Variants in WDR62 observed in about 807,000 individuals in gnomAD.
WDR62 encodes WD repeat-containing protein 62.
A neutral mutation model predicts 160.6 loss-of-function variants in WDR62; 112 were observed. That is an observed-to-expected ratio of 0.70 (90% CI 0.60 to 0.82). WDR62 has a LOEUF of 0.82. WDR62 is among the 40% of genes least tolerant of loss of function. WDR62 has a pLI of 0.00. For synonymous variants in WDR62, 792 were observed against 815.1 expected (o/e 0.97, Z 0.48); for missense variants, 1,819 against 1,983.8 (o/e 0.92, Z 1.58).
At chr19:36,061,556 G>C (rs1042172459) in intron 3 of WDR62, 2 of 152,240 alleles carry the variant, frequency 1.3e-5, no homozygotes, top group Admixed American at 6.5e-5. Flanking sequence ...GAGGGGCTGA[G>C]CTTAGTGAAA....
chr19:36,093,938 T>C, intron 19 of WDR62, 93 bp from the exon 20 acceptor site: 1 of 1,508,600 alleles, frequency 6.6e-7, no homozygotes, highest in Non-Finnish European at 9.2e-7. Context: ...TATGTTCACA[T>C]GGAGCTTAGC....
rs1315079006 is a variant in WDR62 at position 36,104,020 on chromosome 19, C to T, written c.4153+39C>T. 2.5e-6 allele frequency: 4 copies of T among 1,596,312 alleles called. No individual in the cohort carries two copies. The African/African-American group carries it at 4.0e-5, about 16-fold the overall frequency. On this transcript the variant is annotated intron_variant, in intron 30 of 31. Coordinates refer to ENST00000401500, the MANE Select transcript of WDR62 (RefSeq NM_001083961.2). ...TGGAGCAAGGACTGTCCCCTAAGCT[C>T]ATCCTGTGTGCTAGTTGGCTCAGCT... is the stretch of plus-strand genomic sequence containing the variant.
In WDR62 at chr19:36,058,845, C is replaced by T; in HGVS notation, c.243C>T (p.Gly81=). 1 of 1,614,220 alleles carries T rather than the reference C, an allele frequency of 6.2e-7. No individual in the cohort carries two copies. Among genetic ancestry groups the T allele is most frequent in the Non-Finnish European group, 8.5e-7 (1 of 1,180,010 alleles). The part of the protein sequence containing the change: ...QNSSGLTCDP[G]TGHVAYLAGC... ...GCAGTGGCCTAACCTGTGACCCCGGCACAGGCCATGTGGCCTACCTGGCAG... is the reference window on the plus strand; with the variant it reads ...GCAGTGGCCTAACCTGTGACCCCGGTACAGGCCATGTGGCCTACCTGGCAG... The change falls in exon 2 of 32, where the codon GGC becomes GGT. Residue 81 remains glycine (G), a synonymous_variant. Transcript: ENST00000401500.
At chr19:36,074,709 G>T (rs751612017) in intron 9 of WDR62, among the ~76,000 whole-genome samples, 1 of 152,054 alleles carries the variant, frequency 6.6e-6, no homozygotes, top group East Asian at 1.9e-4. Flanking sequence ...GCCTTCATGG[G>T]GCTGACGTTT....
rs750336824 is a variant in WDR62 at position 36,086,860 on chromosome 19, A to G, written c.1768+48A>G. The G allele has an allele frequency of 8.8e-6, 14 of 1,590,522 alleles. No homozygotes were observed. In the South Asian group the frequency reaches 1.5e-4, roughly 17 times the overall value. ...CCTGCGCCTTGCTAGCTACCCTGCT[A>G]AAAAAGGATTCATTCTTTCAACTCT... On this transcript the variant is annotated intron_variant, in intron 13 of 31. Coordinates refer to ENST00000401500, the MANE Select transcript of WDR62 (RefSeq NM_001083961.2).
intron 10 of WDR62, 145 bp downstream of exon 10, chr19:36,081,715 T>C: frequency 3.1e-6 from 3 of 960,568 alleles, no homozygotes; most frequent in Non-Finnish European, 4.9e-6. Flanking sequence ...GGTCCCTCTC[T>C]GCATCACTGC....
rs2145729470 is a variant in WDR62, at chr19:36,084,651, A to G, written c.1551-2A>G. 6.2e-7 allele frequency: 1 copy of G among 1,613,784 alleles called. No individual in the cohort carries two copies. The highest frequency in any genetic ancestry group is 8.5e-7 in the Non-Finnish European group (1 of 1,180,000). On this transcript the variant is annotated splice_acceptor_variant, in intron 11 of 31. Coordinates refer to ENST00000401500, the MANE Select transcript of WDR62 (RefSeq NM_001083961.2). LOFTEE classifies it high-confidence loss of function. ...CTTCAGCGGGCGGTGTGTGTCTCCCAGGATCCACGAGCTGCACTTCATGGA... is the reference window on the plus strand; with the variant it reads ...CTTCAGCGGGCGGTGTGTGTCTCCCGGGATCCACGAGCTGCACTTCATGGA...
intron 1 of WDR62, among the ~76,000 whole-genome samples, chr19:36,056,694 T>TA (rs1441087843): frequency 6.6e-6 from 1 of 152,228 alleles, no homozygotes; most frequent in East Asian, 1.9e-4. Flanking sequence ...AGAGAGGCGT[T>TA]ATAGCAAAGT....
intron 9 of WDR62, among the ~76,000 whole-genome samples, chr19:36,077,275 CCTTTT>C (rs1371524195): frequency 9.5e-6 from 1 of 105,770 alleles, no homozygotes; most frequent in African/African-American, 3.5e-5. Context: ...TTCCTTCCTT[CCTTTT>C]TTTTTTTTTT....
Position 36,094,509 on chromosome 19 carries a change from G to A in WDR62, c.2467+345G>A, listed in dbSNP as rs189198703. Among the ~76,000 whole-genome samples, 168 of 151,914 alleles carry A rather than the reference G, an allele frequency of 1.1e-3. 3 individuals carry two copies. The East Asian group carries it at 0.027, about 24-fold the overall frequency. On this transcript the variant is annotated intron_variant, in intron 20 of 31. Coordinates refer to ENST00000401500, the MANE Select transcript of WDR62 (RefSeq NM_001083961.2). Reference sequence around the variant, plus strand: ...GCAGAGGTTGCAGTGAGCTGAGATCGCGCCACTGCACTCCAGCCTGGGCAA... The same window carrying A: ...GCAGAGGTTGCAGTGAGCTGAGATCACGCCACTGCACTCCAGCCTGGGCAA...
In WDR62 at chr19:36,066,029, G is replaced by C; in HGVS notation, c.390+14G>C. 1 of 1,613,828 alleles carries C rather than the reference G, an allele frequency of 6.2e-7. No homozygotes were observed. Among genetic ancestry groups the C allele is most frequent in the South Asian group, 1.1e-5 (1 of 91,082 alleles). On this transcript the variant is annotated intron_variant, in intron 4 of 31. Transcript: ENST00000401500. The stretch of plus-strand genomic sequence containing the variant: ...GTGACAGGGGAGGTGAGTCGTGATC[G>C]TGACTGAGTGGGAGTCGGGGGCTGG...
intron 10 of WDR62, among the ~76,000 whole-genome samples, chr19:36,082,618 A>G (rs988205674): frequency 6.6e-6 from 1 of 152,218 alleles, no homozygotes; most frequent in Non-Finnish European, 1.5e-5. Context: ...CACACAATAG[A>G]AAAACTCAAA....
chr19:36,057,206 A>G (rs147249880), intron 1 of WDR62, among the ~76,000 whole-genome samples: 2 of 152,320 alleles, frequency 1.3e-5, no homozygotes, highest in East Asian at 1.9e-4. Flanking sequence ...TGAGGATTCA[A>G]TGAGGTTACA....
At chr19:36,072,382 G>T (rs1158921373) in intron 8 of WDR62, among the ~76,000 whole-genome samples, 2 of 152,198 alleles carry the variant, frequency 1.3e-5, no homozygotes, top group Non-Finnish European at 2.9e-5. Context: ...AGGATGGTGG[G>T]AGATGAGGCC....
At chr19:36,068,502 C>CG (rs1971067425) in intron 7 of WDR62, among the ~76,000 whole-genome samples, 1 of 152,168 alleles carries the variant, frequency 6.6e-6, no homozygotes, top group African/African-American at 2.4e-5. Context: ...GAGGACCCTG[C>CG]GGGCTTCCGC....
Position 36,083,226 on chromosome 19 carries a change from G to T in WDR62, c.1535G>T (p.Arg512Leu), listed in dbSNP as rs375417358. 1.8e-5 allele frequency: 29 copies of T among 1,601,510 alleles called. No homozygotes were observed. Among genetic ancestry groups the T allele is most frequent in the Non-Finnish European group, 2.3e-5 (27 of 1,173,580 alleles). The change falls in exon 11 of 32, where the codon CGA becomes CTA. Residue 512 changes from arginine (R) to leucine (L), a missense_variant. This residue lies in a region of WDR62 where 934 missense variants were observed against 1,157.2 expected (regional missense o/e 0.81). Coordinates refer to ENST00000401500, the MANE Select transcript of WDR62 (RefSeq NM_001083961.2). Reference protein sequence around the residue: ...PDGQHLASGDRSGNLRIHELH... With the variant: ...PDGQHLASGDLSGNLRIHELH... ...GGCCAGCATTTGGCTTCAGGCGACC[G>T]AAGTGGAAATCTGAGGCAAGTGGGC...
chr19:36,084,148 G>T (rs1433290081), intron 11 of WDR62, among the ~76,000 whole-genome samples: 1 of 152,146 alleles, frequency 6.6e-6, no homozygotes, highest in African/African-American at 2.4e-5. Context: ...TTGGCACAAG[G>T]TGTCTGGAGT....
chr19:36,073,788 G>A (rs368525388), intron 9 of WDR62: 41 of 523,298 alleles, frequency 7.8e-5, no homozygotes, highest in African/African-American at 5.7e-4. Context: ...AAAATGAGGC[G>A]GGGAAGGGGA....
At position 36,099,390 on chromosome 19, in the gene WDR62, T is replaced by C. The variant is rs1973182089; in HGVS notation, c.2521-9T>C. The stretch of plus-strand genomic sequence containing the variant: ...CAGCCAGTTGCCTGACTGTCCGATA[T>C]CCTTCAAGCTAGGGGACGATGATGT... On this transcript the variant is annotated splice_polypyrimidine_tract_variant and intron_variant, in intron 21 of 31. Transcript: ENST00000401500. The C allele has an allele frequency of 6.2e-7, 1 of 1,612,460 alleles. No individual in the cohort carries two copies. Among genetic ancestry groups the C allele is most frequent in the South Asian group, 1.1e-5 (1 of 91,040 alleles).
Sources: gnomAD v4.1 joint callset for allele counts (sites outside exome capture counted in the v4.1 genomes callset) on GRCh38, gnomAD v4.1.1 for gene constraint, gnomAD v4.1.1 regional missense constraint, MANE v1.5 for transcripts, NCBI Gene and HGNC (gene_info 2026-07-23, HGNC 2026-07-21) for gene names.